Variants in RABGAP1L observed in about 807,000 individuals in gnomAD.
RABGAP1L encodes the protein rab GTPase-activating protein 1-like.
A neutral mutation model predicts 137.7 loss-of-function variants in RABGAP1L; 63 were observed. The ratio of observed to expected loss-of-function variants is 0.46; its 90% CI spans 0.37 to 0.56. RABGAP1L has a LOEUF of 0.56. Among genes scored for constraint, RABGAP1L ranks in the 20% least tolerant of loss-of-function variants. The pLI, the probability that RABGAP1L is intolerant of heterozygous loss-of-function variation, is 0.00. For synonymous variants in RABGAP1L, 431 were observed against 433.7 expected, an observed-to-expected ratio of 0.99 and a Z score of 0.08; for missense variants, 1,095 against 1,244.0, an observed-to-expected ratio of 0.88 and a Z score of 1.80.
intron 19 of RABGAP1L, among the ~76,000 whole-genome samples, chr1:174,873,571 T>C (rs1376945577): frequency 1.3e-5 from 2 of 150,754 alleles, no homozygotes; most frequent in Non-Finnish European, 2.9e-5. Flanking sequence ...TGGAGTGCAG[T>C]GGCACAATCT....
intron 13 of RABGAP1L, among the ~76,000 whole-genome samples, chr1:174,608,248 CTTCT>C (rs754011953): frequency 4.6e-5 from 7 of 151,868 alleles, no homozygotes; most frequent in East Asian, 3.9e-4. Flanking sequence ...TCACCATTTT[CTTCT>C]TTCTATCATA....
chr1:174,871,880 C>T (rs1286594461), intron 19 of RABGAP1L, among the ~76,000 whole-genome samples: 1 of 152,100 alleles, frequency 6.6e-6, no homozygotes, highest in Non-Finnish European at 1.5e-5. Context: ...TGAGTGATAA[C>T]AAATATCGGT....
chr1:174,440,654 T>C (rs910475758), intron 13 of RABGAP1L, among the ~76,000 whole-genome samples: 3 of 151,966 alleles, frequency 2.0e-5, no homozygotes, highest in African/African-American at 7.2e-5. Context: ...CTGCTCACTG[T>C]AAGCAATTCT....
chr1:174,308,018 G>A (rs561868582), intron 11 of RABGAP1L, among the ~76,000 whole-genome samples: 1 of 152,128 alleles, frequency 6.6e-6, no homozygotes, highest in East Asian at 1.9e-4. Flanking sequence ...ATGGGTGTGA[G>A]ATGATATCTC....
intron 1 of RABGAP1L, among the ~76,000 whole-genome samples, chr1:174,215,146 A>G (rs1669193673): frequency 6.6e-6 from 1 of 151,968 alleles, no homozygotes; most frequent in Non-Finnish European, 1.5e-5. Flanking sequence ...CTATAGGAAA[A>G]AGTCTAATCT....
At chr1:174,189,141 G>T (rs948190717) in intron 1 of RABGAP1L, among the ~76,000 whole-genome samples, 4 of 152,080 alleles carry the variant, frequency 2.6e-5, no homozygotes, top group Non-Finnish European at 5.9e-5. Flanking sequence ...GAGTAGCTGG[G>T]ACTACAGGCG....
intron 19 of RABGAP1L, among the ~76,000 whole-genome samples, chr1:174,921,027 A>G (rs535491566): frequency 6.6e-5 from 10 of 152,230 alleles, no homozygotes; most frequent in Admixed American, 3.9e-4. Context: ...GGTTCAAGCA[A>G]TTCTCCTGCC....
chr1:174,854,083 C>T (rs1648845230), intron 19 of RABGAP1L, among the ~76,000 whole-genome samples: 2 of 152,128 alleles, frequency 1.3e-5, no homozygotes, highest in South Asian at 4.1e-4. Flanking sequence ...TTGCAGGCTG[C>T]CCATAGTACA....
At chr1:174,563,872 A>G (rs1168122204) in intron 13 of RABGAP1L, among the ~76,000 whole-genome samples, 1 of 152,212 alleles carries the variant, frequency 6.6e-6, no homozygotes, top group African/African-American at 2.4e-5. Context: ...AACTCCAGCC[A>G]GAGATTAAAG....
At chr1:174,590,328 T>C (rs1018127776) in intron 13 of RABGAP1L, among the ~76,000 whole-genome samples, 32 of 140,316 alleles carry the variant, frequency 2.3e-4, no homozygotes, top group Admixed American at 1.1e-3. Context: ...GCTGTATTGT[T>C]TTTTTTTCTT....
At chr1:174,484,981 C>T (rs1474648327) in intron 13 of RABGAP1L, among the ~76,000 whole-genome samples, 1 of 152,102 alleles carries the variant, frequency 6.6e-6, no homozygotes, top group African/African-American at 2.4e-5. Context: ...TTCCGATACA[C>T]GGACATGAAA....
chr1:174,860,254 G>A (rs186015274), intron 19 of RABGAP1L, among the ~76,000 whole-genome samples: 18 of 151,992 alleles, frequency 1.2e-4, no homozygotes, highest in East Asian at 7.7e-4. Flanking sequence ...TACACAACTC[G>A]CAACACAATA....
intron 13 of RABGAP1L, among the ~76,000 whole-genome samples, chr1:174,618,082 G>T (rs146251614): frequency 0.011 from 1,736 of 152,326 alleles, 37 homozygotes; most frequent in African/African-American, 0.037. Flanking sequence ...CAAGGCAGCA[G>T]CGAGGCTGTG....
At chr1:174,251,595 A>G (rs1275416911) in intron 6 of RABGAP1L, among the ~76,000 whole-genome samples, 1 of 152,172 alleles carries the variant, frequency 6.6e-6, no homozygotes, top group Non-Finnish European at 1.5e-5. Flanking sequence ...TATTTTATAC[A>G]TTGATTATTT....
At chr1:174,837,304 A>G (rs1370968375) in intron 19 of RABGAP1L, among the ~76,000 whole-genome samples, 3 of 152,242 alleles carry the variant, frequency 2.0e-5, no homozygotes, top group Non-Finnish European at 2.9e-5. Flanking sequence ...TCTATAAGAT[A>G]TAGGTCATTA....
chr1:174,913,865 A>G (rs959226816), intron 19 of RABGAP1L, among the ~76,000 whole-genome samples: 2 of 152,208 alleles, frequency 1.3e-5, no homozygotes, highest in Admixed American at 6.5e-5. Flanking sequence ...AGATCTTAAC[A>G]CTCAAAAGAA....
At chr1:174,718,389 C>A (rs535868607) in intron 17 of RABGAP1L, among the ~76,000 whole-genome samples, 1 of 152,158 alleles carries the variant, frequency 6.6e-6, no homozygotes, top group Non-Finnish European at 1.5e-5. Flanking sequence ...GAATCTCTAC[C>A]TCACTTCTCT....
chr1:174,308,292 T>A (rs1242502388), intron 11 of RABGAP1L, among the ~76,000 whole-genome samples: 1 of 152,040 alleles, frequency 6.6e-6, no homozygotes, highest in Non-Finnish European at 1.5e-5. Context: ...TGTTATGAGA[T>A]GTGTGATTTG....
chr1:174,834,796 A>G (rs1692564181), intron 19 of RABGAP1L, among the ~76,000 whole-genome samples: 1 of 152,216 alleles, frequency 6.6e-6, no homozygotes, highest in South Asian at 2.1e-4. Flanking sequence ...CAAGGCCCTC[A>G]GTAAGAAAGG....
Sources: allele counts gnomAD v4.1 joint callset (sites outside exome capture counted in the v4.1 genomes callset), GRCh38; gene constraint gnomAD v4.1.1; transcripts MANE v1.5; gene names NCBI Gene and HGNC (gene_info 2026-07-23, HGNC 2026-07-21).